SKIC3: variants seen among roughly 807,000 people sequenced by gnomAD.
SKIC3 encodes superkiller complex protein 3.
the SKIC3 span, among the ~76,000 whole-genome samples, chr5:95,477,578 A>T: frequency 8.3e-4 from 126 of 152,228 alleles, no homozygotes; most frequent in Middle Eastern, 0.02. Context: ...TAAAATGAAA[A>T]ATTCTCCTCT....
chr5:95,513,755 C>T, the SKIC3 span: 1 of 952,554 alleles, frequency 1.0e-6, no homozygotes, highest in East Asian at 2.5e-5. Flanking sequence ...AGCTTAAAAG[C>T]AAAGTTAACC....
chr5:95,528,828 C>G, the SKIC3 span: 1 of 632,238 alleles, frequency 1.6e-6, no homozygotes, highest in Non-Finnish European at 2.8e-6. Context: ...AAAATAAACA[C>G]ACTAGTACAC....
chr5:95,517,542 C>A, the SKIC3 span, among the ~76,000 whole-genome samples: 2 of 151,910 alleles, frequency 1.3e-5, no homozygotes, highest in Non-Finnish European at 2.9e-5. Flanking sequence ...TTTGTGGACA[C>A]TTTTTTTTGT....
At chr5:95,513,464 A>G in the SKIC3 span, 1 of 1,221,804 alleles carries the variant, frequency 8.2e-7, no homozygotes, top group South Asian at 1.2e-5. Flanking sequence ...AATCACTGGG[A>G]TTACAGGCAT....
chr5:95,549,497 T>C, the SKIC3 span, among the ~76,000 whole-genome samples: 1 of 152,050 alleles, frequency 6.6e-6, no homozygotes, highest in Non-Finnish European at 1.5e-5. Flanking sequence ...TCAATTCTAA[T>C]ATTAAATGTC....
At chr5:95,478,055 A>G in the SKIC3 span, among the ~76,000 whole-genome samples, 1 of 152,124 alleles carries the variant, frequency 6.6e-6, no homozygotes, top group Non-Finnish European at 1.5e-5. Flanking sequence ...ATATAATTCA[A>G]CTTTTAAAAC....
At chr5:95,520,642 TA>T in the SKIC3 span, 1 of 1,208,938 alleles carries the variant, frequency 8.3e-7, no homozygotes, top group South Asian at 1.4e-5. Context: ...GCAGAATACA[TA>T]AAATGATCTT....
At chr5:95,535,414 G>C in the SKIC3 span, among the ~76,000 whole-genome samples, 165 of 148,764 alleles carry the variant, frequency 1.1e-3, no homozygotes, top group African/African-American at 3.6e-3. Context: ...GGGTTCACGC[G>C]ATTCTCCTGC....
the SKIC3 span, among the ~76,000 whole-genome samples, chr5:95,492,863 T>C: frequency 6.6e-6 from 1 of 151,810 alleles, no homozygotes; most frequent in Non-Finnish European, 1.5e-5. Context: ...GAATGGACAA[T>C]AGCTGGCAGC....
At chr5:95,548,729 A>C in the SKIC3 span, 1 of 152,024 alleles carries the variant, frequency 6.6e-6, no homozygotes, top group Admixed American at 6.6e-5. Flanking sequence ...AAAAGAAGAA[A>C]ATAACATCAA....
chr5:95,533,361 T>C, the SKIC3 span, among the ~76,000 whole-genome samples: 2 of 152,094 alleles, frequency 1.3e-5, no homozygotes, highest in Non-Finnish European at 1.5e-5. Flanking sequence ...CTGAAGTACT[T>C]TGTGGGAGGG....
the SKIC3 span, chr5:95,529,289 G>A: frequency 4.6e-6 from 3 of 647,202 alleles, no homozygotes; most frequent in African/African-American, 5.4e-5. Context: ...CTCCACGTCA[G>A]TTCAGACCTC....
the SKIC3 span, among the ~76,000 whole-genome samples, chr5:95,474,611 T>A: frequency 1.3e-5 from 2 of 152,174 alleles, no homozygotes; most frequent in Non-Finnish European, 2.9e-5. Flanking sequence ...GGGATGATCA[T>A]CTTGTACAGT....
chr5:95,484,906 G>GT, the SKIC3 span: 1 of 1,572,018 alleles, frequency 6.4e-7, no homozygotes, highest in Non-Finnish European at 8.7e-7. Flanking sequence ...TCTTAGAGGA[G>GT]TAACTGGTTG....
the SKIC3 span, among the ~76,000 whole-genome samples, chr5:95,489,181 C>T: frequency 6.6e-6 from 1 of 151,762 alleles, no homozygotes; most frequent in Non-Finnish European, 1.5e-5. Context: ...GGCATAGTGA[C>T]TTGTACCTAT....
chr5:95,523,721 T>C, the SKIC3 span: 18 of 1,613,670 alleles, frequency 1.1e-5, no homozygotes, highest in South Asian at 1.8e-4. Context: ...TGTCATCTAA[T>C]TCAAAGGCTT....
At chr5:95,519,005 G>C in the SKIC3 span, among the ~76,000 whole-genome samples, 3,384 of 151,642 alleles carry the variant, frequency 0.022, 63 homozygotes, top group Middle Eastern at 0.065. Flanking sequence ...ATCCTAACTG[G>C]GGTGACATGA....
chr5:95,495,766 T>C, the SKIC3 span, among the ~76,000 whole-genome samples: 1 of 152,190 alleles, frequency 6.6e-6, no homozygotes, highest in South Asian at 2.1e-4. Flanking sequence ...ATGTGCAGAA[T>C]ATTGGGTCCC....
chr5:95,489,544 A>G, the SKIC3 span, among the ~76,000 whole-genome samples: 1 of 151,798 alleles, frequency 6.6e-6, no homozygotes, highest in Admixed American at 6.6e-5. Context: ...AAAAGTAGAA[A>G]AGGAAATACA....
Sources: gnomAD v4.1 joint callset for allele counts (sites outside exome capture counted in the v4.1 genomes callset) on GRCh38, gnomAD v4.1.1 for gene constraint, MANE v1.5 for transcripts, NCBI Gene and HGNC (gene_info 2026-07-23, HGNC 2026-07-21) for gene names.